Variants in POLE observed in about 807,000 individuals in gnomAD.
The protein encoded by POLE is DNA polymerase epsilon catalytic subunit A.
In POLE, 188 loss-of-function variants were observed where a neutral mutation model predicts 279.2. That is an observed-to-expected ratio of 0.67 (90% CI 0.60 to 0.76). POLE has a LOEUF of 0.76. Among genes scored for constraint, POLE ranks in the 30% least tolerant of loss-of-function variants. The pLI is 0.00. For synonymous variants in POLE, 1,214 were observed against 1,172.5 expected, an observed-to-expected ratio of 1.04 and a Z score of -0.72; for missense variants, 2,703 against 3,016.7, an observed-to-expected ratio of 0.90 and a Z score of 2.44.
chr12:132,668,950 A>G lies in POLE; in HGVS notation c.1795-11T>C, dbSNP rs750393025. The G allele has an allele frequency of 3.2e-5, 51 of 1,612,896 alleles. No individual in the cohort carries two copies. The highest frequency in any genetic ancestry group is 4.0e-5 in the Non-Finnish European group (47 of 1,179,196). On this transcript the variant is annotated splice_polypyrimidine_tract_variant and intron_variant, in intron 16 of 48. Transcript: ENST00000320574. The surrounding 1 kb of genome is among the most constrained non-coding windows in gnomAD (Gnocchi z 4.0). ...AATCTCATCACACACCTGCAGAGAAAGCGAAACTCAGTAGAGGCTGGTGAC... is the reference window on the plus strand; with the variant it reads ...AATCTCATCACACACCTGCAGAGAAGGCGAAACTCAGTAGAGGCTGGTGAC...
rs981412795 is a variant in POLE at position 132,675,964 on chromosome 12, C to A, written c.1020+130G>T. 3.2e-6 allele frequency: 3 copies of A among 929,882 alleles called. No homozygotes were observed. Among genetic ancestry groups the A allele is most frequent in the Non-Finnish European group, 5.1e-6 (3 of 593,360 alleles). 57.6% of individuals were successfully genotyped at this position (929,882 alleles called of 1,614,324 possible). ...CTCCGCCCGTCTCTGGCAGAAAAGACGGTCATACCCTGAGAACAAAGCTCA... is the reference window on the plus strand; with the variant it reads ...CTCCGCCCGTCTCTGGCAGAAAAGAAGGTCATACCCTGAGAACAAAGCTCA... On this transcript the variant is annotated intron_variant, in intron 10 of 48. Transcript: ENST00000320574. This position sits in a 1 kb window ranked among gnomAD's most constrained non-coding sequence, Gnocchi z 4.3.
intron 26 of POLE, 87 bp downstream of exon 26, chr12:132,659,208 A>T: frequency 1.5e-6 from 2 of 1,340,478 alleles, no homozygotes; most frequent in South Asian, 2.7e-5. Context: ...TGATGAGGGG[A>T]GCCCTCACCT....
chr12:132,645,804 A>C (rs2042270708), intron 32 of POLE, among the ~76,000 whole-genome samples: 3 of 146,190 alleles, frequency 2.1e-5, no homozygotes, highest in Admixed American at 2.0e-4. Context: ...ACACACCCAC[A>C]CACACACACA....
At chr12:132,670,970 A>G (rs2042915192) in intron 16 of POLE, among the ~76,000 whole-genome samples, 1 of 151,774 alleles carries the variant, frequency 6.6e-6, no homozygotes, top group African/African-American at 2.4e-5. Flanking sequence ...CTATTACAAG[A>G]TGTTTCTTGA....
chr12:132,666,049 A>G (rs1008290285), intron 20 of POLE, among the ~76,000 whole-genome samples: 1 of 152,226 alleles, frequency 6.6e-6, no homozygotes, highest in Non-Finnish European at 1.5e-5. Flanking sequence ...TAGAATTAGC[A>G]TATGACCCAA....
rs1316935028 is a variant in POLE at position 132,675,231 on chromosome 12, T to C, written c.1226+167A>G. On this transcript the variant is annotated intron_variant, in intron 12 of 48. Transcript: ENST00000320574. This position sits in a 1 kb window ranked among gnomAD's most constrained non-coding sequence, Gnocchi z 4.3. ...TCAGTCAACAGTCAAAGACAGCACA[T>C]CCCGGGCCCTGGCAGGGTTGCAGCT... Among the ~76,000 whole-genome samples the C allele has an allele frequency of 1.3e-5, 2 of 152,108 alleles. No individual in the cohort carries two copies. Among genetic ancestry groups the C allele is most frequent in the Non-Finnish European group, 2.9e-5 (2 of 68,022 alleles).
intron 12 of POLE, among the ~76,000 whole-genome samples, chr12:132,673,975 G>A (rs576006695): frequency 6.6e-6 from 1 of 152,202 alleles, no homozygotes; most frequent in South Asian, 2.1e-4. Flanking sequence ...AGCAGAGTTT[G>A]TGGCCTCTCC....
At chr12:132,629,849 CA>C (rs1453072121) in intron 45 of POLE, among the ~76,000 whole-genome samples, 1 of 152,224 alleles carries the variant, frequency 6.6e-6, no homozygotes, top group African/African-American at 2.4e-5. Context: ...TCTCGACTTT[CA>C]ACATGCCTTC....
rs548663126 is a variant in POLE, at chr12:132,641,967, C to G, written c.5174-116G>C. ...GAACCAGCAACAGACCTGCCCACAC[C>G]CATCCTCACACCTGCCAGGCTATTC... On this transcript the variant is annotated intron_variant, in intron 38 of 48. Transcript: ENST00000320574. 16 of 1,037,630 alleles carry G rather than the reference C, an allele frequency of 1.5e-5. No individual in the cohort carries two copies. In the East Asian group the frequency reaches 4.0e-4, roughly 26 times the overall value. 64.3% of individuals were successfully genotyped at this position (1,037,630 alleles called of 1,614,324 possible).
intron 13 of POLE, 35 bp downstream of exon 13, chr12:132,673,540 C>A (rs370566414): frequency 1.3e-6 from 2 of 1,592,708 alleles, no homozygotes; most frequent in Non-Finnish European, 1.7e-6. Flanking sequence ...TGCGTGCACA[C>A]GGCAGCAGGG....
chr12:132,685,290 G>T (rs929212051), intron 1 of POLE, among the ~76,000 whole-genome samples: 1 of 140,504 alleles, frequency 7.1e-6, no homozygotes, highest in African/African-American at 2.7e-5. Flanking sequence ...ACTGGTTACT[G>T]TATCACACTG....
rs1165241306 is a variant in POLE at position 132,626,308 on chromosome 12, G to A, written c.6340C>T (p.Leu2114=). Residue 2114 remains leucine, a synonymous_variant, in exon 46 of 49, where the codon CTG becomes TTG. Coordinates refer to ENST00000320574, the MANE Select transcript of POLE (RefSeq NM_006231.4). ...FIKYVCKVLS[L]DTNITNQVNK... is the part of the protein sequence containing the mutation. ...ACCTGGTTTGTGATGTTGGTGTCCA[G>A]GGACAGCACCTGCAGAGACCACAGC... is the stretch of plus-strand genomic sequence containing the variant. 21 of 1,613,470 alleles carry A rather than the reference G, an allele frequency of 1.3e-5. No individual in the cohort carries two copies. The highest frequency in any genetic ancestry group is 1.8e-5 in the Non-Finnish European group (21 of 1,180,004).
intron 13 of POLE, 106 bp downstream of exon 13, chr12:132,673,469 C>A (rs1001611421): frequency 5.3e-6 from 8 of 1,515,842 alleles, no homozygotes; most frequent in African/African-American, 1.4e-5. Flanking sequence ...TGCGTGCACA[C>A]GGCAGCAGGG....
At chr12:132,659,620 G>C in intron 25 of POLE, 111 bp from the exon 26 acceptor site, 1 of 824,100 alleles carries the variant, frequency 1.2e-6, no homozygotes, top group South Asian at 1.7e-5. Context: ...GACGCAGAAG[G>C]CTGCAATTTC....
intron 6 of POLE, among the ~76,000 whole-genome samples, chr12:132,678,134 C>T (rs951704445): frequency 3.3e-5 from 5 of 152,022 alleles, no homozygotes; most frequent in African/African-American, 7.2e-5. Flanking sequence ...ACCCAGATTG[C>T]GCCACTGCAC....
intron 1 of POLE, among the ~76,000 whole-genome samples, chr12:132,687,014 AG>A (rs2043288975): frequency 1.3e-5 from 2 of 150,106 alleles, no homozygotes; most frequent in South Asian, 4.4e-4. Flanking sequence ...AGAGCCGAGC[AG>A]GGAAAGGCCG....
chr12:132,673,375 G>T, intron 13 of POLE, 98 bp from the exon 14 acceptor site: 1 of 1,147,182 alleles, frequency 8.7e-7, no homozygotes, highest in Non-Finnish European at 1.3e-6. Context: ...CCAGCCTGCC[G>T]CACACACAGT....
In POLE at chr12:132,668,800, T is replaced by C; in HGVS notation, c.1923+11A>G. Reference sequence around the variant, plus strand: ...AGAGCTCCGACTCTGACACGGGAAGTAAAGTCTCACCTGCAGGCGGTTGGT... The same window carrying C: ...AGAGCTCCGACTCTGACACGGGAAGCAAAGTCTCACCTGCAGGCGGTTGGT... On this transcript the variant is annotated intron_variant, in intron 17 of 48. Coordinates refer to ENST00000320574, the MANE Select transcript of POLE (RefSeq NM_006231.4). The surrounding 1 kb of genome is among the most constrained non-coding windows in gnomAD (Gnocchi z 4.0). 1.2e-6 allele frequency: 2 copies of C among 1,613,850 alleles called. No homozygotes were observed. The highest frequency in any genetic ancestry group is 1.7e-6 in the Non-Finnish European group (2 of 1,179,820).
rs1236860468 is a variant in POLE, at chr12:132,642,181, G to A, written c.5169C>T (p.Ser1723=). 1 of 1,556,622 alleles carries A rather than the reference G, an allele frequency of 6.4e-7. No individual in the cohort carries two copies. The highest frequency in any genetic ancestry group is 2.3e-5 in the East Asian group (1 of 44,338). The change falls in exon 38 of 49, where the codon TCC becomes TCT. Residue 1723 remains serine, a synonymous_variant. Transcript: ENST00000320574. ...CTCGTCCTCCCGCCCACTTACCTGTGGAGTAACAGCCTGAACTGTTGATCT... is the reference window on the plus strand; with the variant it reads ...CTCGTCCTCCCGCCCACTTACCTGTAGAGTAACAGCCTGAACTGTTGATCT... ...TVEINSSGCY[S]TVCVELDLQN...
Sources: allele counts gnomAD v4.1 joint callset (sites outside exome capture counted in the v4.1 genomes callset), GRCh38; gene constraint gnomAD v4.1.1; non-coding constraint Gnocchi (gnomAD v3.1); transcripts MANE v1.5; gene names NCBI Gene and HGNC (gene_info 2026-07-23, HGNC 2026-07-21).